Variants in DCDC1 observed in about 807,000 individuals in gnomAD.
The protein encoded by DCDC1 is doublecortin domain containing 1.
In DCDC1, 200 loss-of-function variants were observed where a neutral mutation model predicts 178.3. That is an observed-to-expected ratio of 1.12 (90% CI 1.00 to 1.26). DCDC1 has a LOEUF of 1.26. Among genes scored for constraint, DCDC1 ranks in the 50% most tolerant of loss-of-function variants. The pLI is 0.00. For missense variants in DCDC1, 1,983 were observed against 1,749.2 expected (o/e 1.13, Z -2.38); for synonymous variants, 690 against 604.8 (o/e 1.14, Z -2.07).
At chr11:31,165,680 A>C (rs554662978) in intron 9 of DCDC1, among the ~76,000 whole-genome samples, 5 of 152,138 alleles carry the variant, frequency 3.3e-5, no homozygotes, top group South Asian at 4.1e-4. Flanking sequence ...CTATTAGATT[A>C]TTAGTAATTT....
chr11:31,183,480 G>A lies in DCDC1; in HGVS notation c.1222-45696C>T, dbSNP rs1274770984. ...CAACTACATGGAAACTGAACAATCT[G>A]CTCCTGGATGACTACTGGGTGTTTG... On this transcript the variant is annotated intron_variant, in intron 9 of 38. Transcript: ENST00000684477. 2.6e-5 allele frequency among the ~76,000 whole-genome samples: 4 copies of A among 152,250 alleles called. No homozygotes were observed. The East Asian group carries it at 5.8e-4, about 22-fold the overall frequency.
At chr11:31,100,852 GA>G (rs1343043266) in intron 15 of DCDC1, among the ~76,000 whole-genome samples, 1 of 152,110 alleles carries the variant, frequency 6.6e-6, no homozygotes, top group African/African-American at 2.4e-5. Context: ...ATCTAATGAT[GA>G]ATACCAACAG....
intron 9 of DCDC1, among the ~76,000 whole-genome samples, chr11:31,149,010 T>C (rs1444382312): frequency 6.6e-6 from 1 of 152,226 alleles, no homozygotes; most frequent in African/African-American, 2.4e-5. Flanking sequence ...TTTCCATTAC[T>C]GAGTTACCTC....
At chr11:30,925,456 G>A in intron 22 of DCDC1, 48 bp from the exon 23 acceptor site, 1 of 1,515,228 alleles carries the variant, frequency 6.6e-7, no homozygotes, top group Non-Finnish European at 9.1e-7. Context: ...AAAGCTTCCA[G>A]CAGCAAAGAG....
At chr11:30,867,675 C>T (rs1941122852) in intron 38 of DCDC1, among the ~76,000 whole-genome samples, 1 of 152,198 alleles carries the variant, frequency 6.6e-6, no homozygotes, top group Admixed American at 6.5e-5. Context: ...TGACCTCCCT[C>T]TGTTGCTCTG....
At position 31,355,322 on chromosome 11, in the gene DCDC1, G is replaced by A. The variant is rs145598441; in HGVS notation, c.-125+14375C>T. On this transcript the variant is annotated intron_variant, in intron 1 of 38. Transcript: ENST00000684477. ...ATGAGAAGGCTGGGAACATGACTACGCTGGAAAGAGGCCTCACTGGGGAAA... is the reference window on the plus strand; with the variant it reads ...ATGAGAAGGCTGGGAACATGACTACACTGGAAAGAGGCCTCACTGGGGAAA... Among the ~76,000 whole-genome samples the A allele has an allele frequency of 8.5e-5, 13 of 152,206 alleles. No individual in the cohort carries two copies. The East Asian group carries it at 1.2e-3, about 14-fold the overall frequency.
At chr11:30,951,643 T>C (rs531800760) in intron 21 of DCDC1, among the ~76,000 whole-genome samples, 9 of 152,242 alleles carry the variant, frequency 5.9e-5, no homozygotes, top group African/African-American at 9.6e-5. Flanking sequence ...ATTGGATTAT[T>C]TGACAGAAGA....
intron 7 of DCDC1, among the ~76,000 whole-genome samples, chr11:31,268,134 T>A (rs1945297146): frequency 6.6e-6 from 1 of 152,188 alleles, no homozygotes; most frequent in Non-Finnish European, 1.5e-5. Flanking sequence ...TTCTTAATAT[T>A]ATGAAGTTAT....
At chr11:31,104,359 A>T (rs1297236464) in intron 13 of DCDC1, among the ~76,000 whole-genome samples, 1 of 152,144 alleles carries the variant, frequency 6.6e-6, no homozygotes, top group Admixed American at 6.5e-5. Flanking sequence ...ATTAAAAATC[A>T]ACGACATCAC....
At chr11:31,093,725 T>C (rs1957955075) in intron 16 of DCDC1, among the ~76,000 whole-genome samples, 1 of 152,224 alleles carries the variant, frequency 6.6e-6, no homozygotes, top group South Asian at 2.1e-4. Context: ...AAAATGAAGA[T>C]CTAGGAGTAG....
chr11:31,312,822 A>G (rs1385273181), intron 3 of DCDC1: 1 of 152,152 alleles, frequency 6.6e-6, no homozygotes, highest in Non-Finnish European at 1.5e-5. Flanking sequence ...GGGTGAGCCA[A>G]CACCTTATCC....
chr11:31,262,852 C>T (rs1257389426), intron 8 of DCDC1: 2 of 462,472 alleles, frequency 4.3e-6, no homozygotes, highest in Non-Finnish European at 7.5e-6. Context: ...GGATTAGCTT[C>T]TTTAAATATT....
intron 1 of DCDC1, among the ~76,000 whole-genome samples, chr11:31,354,875 G>T (rs1951252490): frequency 6.6e-6 from 1 of 152,116 alleles, no homozygotes; most frequent in Non-Finnish European, 1.5e-5. Flanking sequence ...ATCACATCAA[G>T]TCTCTGAGAG....
chr11:31,129,259 G>A (rs1962093491), intron 10 of DCDC1, among the ~76,000 whole-genome samples: 1 of 151,890 alleles, frequency 6.6e-6, no homozygotes, highest in African/African-American at 2.4e-5. Flanking sequence ...CTTTTACCAA[G>A]ACCTTTACAA....
At chr11:31,247,545 A>G (rs551854472) in intron 8 of DCDC1, among the ~76,000 whole-genome samples, 2 of 151,942 alleles carry the variant, frequency 1.3e-5, no homozygotes, top group Non-Finnish European at 2.9e-5. Flanking sequence ...TGGCCTTGTA[A>G]CAGCATGGAA....
intron 10 of DCDC1, among the ~76,000 whole-genome samples, chr11:31,129,894 C>T (rs1962199933): frequency 1.3e-5 from 2 of 152,090 alleles, no homozygotes; most frequent in Non-Finnish European, 2.9e-5. Context: ...CTCTACCTGG[C>T]TTTATGGCTC....
intron 28 of DCDC1, 70 bp from the exon 29 acceptor site, chr11:30,909,186 C>T: frequency 7.4e-7 from 1 of 1,356,528 alleles, no homozygotes; most frequent in East Asian, 2.4e-5. Context: ...TTTTTCATTG[C>T]ATATATCCAG....
intron 38 of DCDC1, among the ~76,000 whole-genome samples, chr11:30,871,115 A>G (rs1242963049): frequency 6.6e-6 from 1 of 152,196 alleles, no homozygotes; most frequent in East Asian, 1.9e-4. Flanking sequence ...AGTAGTTCAG[A>G]TGGTACAGTG....
At chr11:31,123,116 T>C (rs977429446) in intron 11 of DCDC1, among the ~76,000 whole-genome samples, 47 of 152,190 alleles carry the variant, frequency 3.1e-4, no homozygotes, top group African/African-American at 1.1e-3. Context: ...GTGTGGTATT[T>C]CAACTCCCTA....
Sources: gnomAD v4.1 joint callset for allele counts (sites outside exome capture counted in the v4.1 genomes callset) on GRCh38, gnomAD v4.1.1 for gene constraint, MANE v1.5 for transcripts, NCBI Gene and HGNC (gene_info 2026-07-23, HGNC 2026-07-21) for gene names.